Variants in OR4N2 observed in about 807,000 individuals in gnomAD.
OR4N2 encodes olfactory receptor family 4 subfamily N member 2.
For synonymous variants in OR4N2, 141 were observed against 140.4 expected, an observed-to-expected ratio of 1.00 and a Z score of -0.03; for missense variants, 307 against 377.6, an observed-to-expected ratio of 0.81 and a Z score of 1.55.
intron 1 of OR4N2, among the ~76,000 whole-genome samples, chr14:19,815,668 T>TG (rs1491576089): frequency 0.014 from 1,897 of 137,960 alleles, 21 homozygotes; most frequent in African/African-American, 0.045. Flanking sequence ...TTTTTTTTTT[T>TG]TGTTTTTTTT....
At chr14:19,825,783 C>A (rs1196840681) in intron 1 of OR4N2, among the ~76,000 whole-genome samples, 2 of 152,156 alleles carry the variant, frequency 1.3e-5, no homozygotes, top group Non-Finnish European at 2.9e-5. Context: ...TGTTCTCGAT[C>A]TCCTGAGCTC....
At chr14:19,804,773 TCTAATA>T (rs1396237210) in intron 1 of OR4N2, among the ~76,000 whole-genome samples, 2 of 152,232 alleles carry the variant, frequency 1.3e-5, no homozygotes, top group Non-Finnish European at 2.9e-5. Context: ...ATCTCAATGC[TCTAATA>T]CTGTCAGTGG....
rs148336995 is a variant in OR4N2, at chr14:19,828,314, T to C, written c.866T>C (p.Leu289Pro). The C allele has an allele frequency of 1.6e-4, 263 of 1,612,926 alleles. No homozygotes were observed. The highest frequency in any genetic ancestry group is 2.5e-4 in the Admixed American group (15 of 59,964). ...TTGTTGAATCCTGTCATTTATACCC[T>C]TCGCAACCAGGAAGTGAAAGCTTCC... is the stretch of plus-strand genomic sequence containing the variant. ...FPLLNPVIYT[L>P]RNQEVKASMK... is the part of the protein sequence containing the mutation. The change falls in exon 2 of 2, where the codon CTT (leucine) becomes CCT (proline). Residue 289 changes from leucine to proline, a missense_variant. Transcript: ENST00000557677.
chr14:19,821,707 T>C (rs1420800034), intron 1 of OR4N2, among the ~76,000 whole-genome samples: 12 of 152,240 alleles, frequency 7.9e-5, no homozygotes, highest in Non-Finnish European at 1.6e-4. Flanking sequence ...GTAGCACATT[T>C]AAAAAAATTT....
chr14:19,826,806 C>T (rs1879710905), intron 1 of OR4N2, among the ~76,000 whole-genome samples: 1 of 152,188 alleles, frequency 6.6e-6, no homozygotes, highest in Admixed American at 6.5e-5. Context: ...GAGCACTGTG[C>T]CTGTGTTAGG....
rs201108157 is a variant in OR4N2, at chr14:19,827,711, C to A, written c.263C>A (p.Ala88Glu). ...CGGATGTTGGTGGACTTCCTCTCTG[C>A]GAAGAAGATAATCTCCTACAGAGGC... is the stretch of plus-strand genomic sequence containing the variant. Reference protein sequence around the residue: ...APRMLVDFLSAKKIISYRGCI... With the variant: ...APRMLVDFLSEKKIISYRGCI... The change falls in exon 2 of 2, where the codon GCG (alanine) becomes GAG (glutamate). Residue 88 changes from alanine to glutamate, a missense_variant. Ala to Glu is a moderately radical substitution (Grantham distance 107). Transcript: ENST00000557677. The A allele has an allele frequency of 2.5e-6, 4 of 1,614,100 alleles. No individual in the cohort carries two copies. Among genetic ancestry groups the A allele is most frequent in the East Asian group, 2.2e-5 (1 of 44,902 alleles).
At chr14:19,827,312 G>A (rs1403054909) in intron 1 of OR4N2, 128 bp from the exon 2 acceptor site, 11 of 793,952 alleles carry the variant, frequency 1.4e-5, no homozygotes, top group South Asian at 1.3e-4. Context: ...CCCCAGAATA[G>A]GAGAGGGATG....
At position 19,812,576 on chromosome 14, in the gene OR4N2, T is replaced by C. The variant is rs1879328871; in HGVS notation, c.-10+8732T>C. Among the ~76,000 whole-genome samples, 7 of 152,364 alleles carry C rather than the reference T, an allele frequency of 4.6e-5. No homozygotes were observed. The South Asian group carries it at 1.4e-3, about 32-fold the overall frequency. ...GGTTTCACCGTGTTAGCCAGAATGG[T>C]CTCGGTCTCCTGACTTCGTGATCCG... On this transcript the variant is annotated intron_variant, in intron 1 of 1. Coordinates refer to ENST00000557677, the MANE Select transcript of OR4N2 (RefSeq NM_001004723.3).
rs1023186708 is a variant in OR4N2, at chr14:19,829,796, C to T, written c.*1424C>T. ...TTTAAAATATTTTATTTTTGATAAT[C>T]GCCAAAGTTTATACTTAGGAATATA... is the stretch of plus-strand genomic sequence containing the variant. On this transcript the variant is annotated 3_prime_UTR_variant, in exon 2 of 2. Transcript: ENST00000557677. The T allele has an allele frequency of 4.6e-5, 7 of 152,182 alleles. No homozygotes were observed. The highest frequency in any genetic ancestry group is 1.2e-4 in the African/African-American group (5 of 41,452). 9.4% of individuals were successfully genotyped at this position (152,182 alleles called of 1,614,324 possible). A position where few individuals can be genotyped will look rare whatever the true frequency, so the allele number is the denominator to read the frequency against.
At chr14:19,815,321 T>A (rs1879397104) in intron 1 of OR4N2, among the ~76,000 whole-genome samples, 1 of 152,266 alleles carries the variant, frequency 6.6e-6, no homozygotes, top group Admixed American at 6.5e-5. Context: ...CTCCACATCC[T>A]CTCCAGCATC....
chr14:19,806,774 A>G (rs1429286964), intron 1 of OR4N2, among the ~76,000 whole-genome samples: 1 of 152,208 alleles, frequency 6.6e-6, no homozygotes, highest in Non-Finnish European at 1.5e-5. Context: ...TCATCTGCAC[A>G]TGGAACATAT....
At chr14:19,810,630 C>T (rs753132779) in intron 1 of OR4N2, among the ~76,000 whole-genome samples, 139 of 152,284 alleles carry the variant, frequency 9.1e-4, no homozygotes, top group Admixed American at 2.0e-3. Context: ...CAATGGAATA[C>T]TATGTAGCCA....
intron 1 of OR4N2, among the ~76,000 whole-genome samples, chr14:19,825,522 A>G (rs1480858314): frequency 1.8e-4 from 26 of 148,178 alleles, no homozygotes; most frequent in Admixed American, 1.7e-3. Flanking sequence ...CATGTGCTAG[A>G]GCACTTATTT....
chr14:19,810,950 C>T (rs1447606360), intron 1 of OR4N2, among the ~76,000 whole-genome samples: 1 of 152,200 alleles, frequency 6.6e-6, no homozygotes, highest in Non-Finnish European at 1.5e-5. Context: ...TCAAGATATA[C>T]AAAATCTAAA....
intron 1 of OR4N2, among the ~76,000 whole-genome samples, chr14:19,816,934 C>T (rs553728382): frequency 3.4e-4 from 52 of 152,368 alleles, no homozygotes; most frequent in African/African-American, 1.2e-3. Flanking sequence ...GCCTTTTCTG[C>T]ATCTATTGAG....
intron 1 of OR4N2, among the ~76,000 whole-genome samples, chr14:19,819,404 A>G (rs1879507149): frequency 6.6e-6 from 1 of 152,108 alleles, no homozygotes; most frequent in Non-Finnish European, 1.5e-5. Flanking sequence ...TTTTTTCTCC[A>G]ATCTTGTCGT....
At chr14:19,816,552 G>A (rs189884406) in intron 1 of OR4N2, among the ~76,000 whole-genome samples, 89 of 152,314 alleles carry the variant, frequency 5.8e-4, no homozygotes, top group Admixed American at 1.0e-3. Context: ...TTTGTATCCC[G>A]AGACTTTGCT....
At chr14:19,806,817 AAG>A (rs1879176250) in intron 1 of OR4N2, among the ~76,000 whole-genome samples, 2 of 152,322 alleles carry the variant, frequency 1.3e-5, no homozygotes, top group Admixed American at 6.5e-5. Flanking sequence ...ATCAGAAAGC[AAG>A]TCTCAATGCA....
At chr14:19,817,752 C>T (rs1879464005) in intron 1 of OR4N2, among the ~76,000 whole-genome samples, 1 of 152,226 alleles carries the variant, frequency 6.6e-6, no homozygotes, top group Admixed American at 6.5e-5. Flanking sequence ...TCTGCTCTTA[C>T]TTCTCTAGTT....
Sources: allele counts gnomAD v4.1 joint callset (sites outside exome capture counted in the v4.1 genomes callset), GRCh38; gene constraint gnomAD v4.1.1; transcripts MANE v1.5; gene names NCBI Gene and HGNC (gene_info 2026-07-23, HGNC 2026-07-21).